SUMF1: variants seen among roughly 807,000 people sequenced by gnomAD.
The protein encoded by SUMF1 is sulfatase modifying factor 1.
SUMF1 carries 48 observed loss-of-function variants against 47.6 expected under a neutral mutation model. The observed-to-expected ratio is 1.01, with a 90% CI of 0.80 to 1.28. The LOEUF (loss-of-function observed/expected upper bound fraction) is 1.28, where lower values mean the gene tolerates loss of function less well. Ranked by LOEUF, SUMF1 falls within the 50% of genes most tolerant of loss-of-function variation. SUMF1 has a pLI of 0.00. For missense variants in SUMF1, 571 were observed against 485.4 expected, an observed-to-expected ratio of 1.18 and a Z score of -1.66; for synonymous variants, 230 against 192.1, an observed-to-expected ratio of 1.20 and a Z score of -1.63.
chr3:4,403,951 C>T (rs1401800974), intron 7 of SUMF1, among the ~76,000 whole-genome samples: 1 of 152,184 alleles, frequency 6.6e-6, no homozygotes, highest in African/African-American at 2.4e-5. Flanking sequence ...GTAGTTGTAA[C>T]ATGAGGCTCT....
intron 2 of SUMF1, among the ~76,000 whole-genome samples, chr3:4,449,856 G>C (rs7634154): frequency 0.1 from 15,961 of 152,208 alleles, 957 homozygotes; most frequent in East Asian, 0.2. Flanking sequence ...TTTAACATTA[G>C]TGTCTCAATT....
intron 8 of SUMF1, among the ~76,000 whole-genome samples, chr3:4,296,768 C>G (rs1405584920): frequency 2.0e-5 from 3 of 151,758 alleles, no homozygotes; most frequent in Admixed American, 1.3e-4. Context: ...CCAACCCACA[C>G]TGTCTAATGA....
chr3:4,041,317 C>T (rs1229925166), intron 9 of SUMF1, among the ~76,000 whole-genome samples: 2 of 152,182 alleles, frequency 1.3e-5, no homozygotes, highest in African/African-American at 4.8e-5. Flanking sequence ...AGTGATCTGC[C>T]CTCCTCGGCC....
chr3:4,176,751 A>T (rs1247454793), intron 8 of SUMF1, among the ~76,000 whole-genome samples: 1 of 152,210 alleles, frequency 6.6e-6, no homozygotes, highest in Non-Finnish European at 1.5e-5. Context: ...GGCAAATTGG[A>T]TAAAGAGTCA....
chr3:4,345,031 C>G (rs1276745813), intron 8 of SUMF1, among the ~76,000 whole-genome samples: 1 of 151,968 alleles, frequency 6.6e-6, no homozygotes, highest in Non-Finnish European at 1.5e-5. Flanking sequence ...AATATGGGAC[C>G]TCTTAAAAAG....
At chr3:4,247,208 A>G (rs1472699513) in intron 8 of SUMF1, among the ~76,000 whole-genome samples, 1 of 152,214 alleles carries the variant, frequency 6.6e-6, no homozygotes, top group Non-Finnish European at 1.5e-5. Flanking sequence ...AGGCCAAGTA[A>G]TTAATTCACT....
At chr3:4,201,997 G>C (rs1054554985) in intron 8 of SUMF1, among the ~76,000 whole-genome samples, 3 of 151,754 alleles carry the variant, frequency 2.0e-5, no homozygotes, top group Non-Finnish European at 4.4e-5. Flanking sequence ...TACATATTCT[G>C]GTTATTAATT....
intron 8 of SUMF1, among the ~76,000 whole-genome samples, chr3:4,210,475 A>AT (rs1442126906): frequency 6.6e-6 from 1 of 152,116 alleles, no homozygotes; most frequent in Non-Finnish European, 1.5e-5. Context: ...ACCCACACAT[A>AT]TTGTCACCAA....
chr3:4,376,278 T>C, intron 8 of SUMF1, 52 bp downstream of exon 8: 1 of 1,603,052 alleles, frequency 6.2e-7, no homozygotes, highest in Non-Finnish European at 8.5e-7. Flanking sequence ...AATGGATCCA[T>C]AAAACTGCTA....
intron 8 of SUMF1, among the ~76,000 whole-genome samples, chr3:4,254,547 G>C (rs1405125673): frequency 6.7e-6 from 1 of 148,858 alleles, no homozygotes; most frequent in Non-Finnish European, 1.5e-5. Flanking sequence ...AATGAAGTGA[G>C]AAGGGAAGTT....
intron 7 of SUMF1, among the ~76,000 whole-genome samples, chr3:4,408,827 TG>T (rs60456154): frequency 0.016 from 2,478 of 151,846 alleles, 67 homozygotes; most frequent in African/African-American, 0.056. Context: ...AAAAATTAGC[TG>T]GGGGGCACCT....
intron 8 of SUMF1, among the ~76,000 whole-genome samples, chr3:4,090,441 G>C (rs1036734205): frequency 6.6e-6 from 1 of 152,058 alleles, no homozygotes; most frequent in South Asian, 2.1e-4. Context: ...CCTCTCCAAG[G>C]TCAGTTCCCA....
chr3:4,236,000 C>T (rs570421803), intron 8 of SUMF1, among the ~76,000 whole-genome samples: 16 of 152,056 alleles, frequency 1.1e-4, no homozygotes, highest in South Asian at 2.1e-4. Flanking sequence ...TGGAGTTCAG[C>T]GATAGGATTT....
chr3:4,335,690 A>T (rs1033662537), intron 8 of SUMF1, among the ~76,000 whole-genome samples: 1 of 152,118 alleles, frequency 6.6e-6, no homozygotes, highest in Non-Finnish European at 1.5e-5. Context: ...CACACCTGTA[A>T]TCCCAGCACT....
At chr3:4,345,559 G>T (rs1467745994) in intron 8 of SUMF1, among the ~76,000 whole-genome samples, 1 of 152,146 alleles carries the variant, frequency 6.6e-6, no homozygotes, top group African/African-American at 2.4e-5. Context: ...AAGAAAAACT[G>T]GTAGCAGCCA....
chr3:4,239,981 G>A (rs1696501236), intron 8 of SUMF1, among the ~76,000 whole-genome samples: 1 of 152,168 alleles, frequency 6.6e-6, no homozygotes, highest in East Asian at 1.9e-4. Context: ...GCATGAAGAG[G>A]TGTTGAATTT....
At position 4,398,448 on chromosome 3, in the gene SUMF1, T is replaced by G. The variant is rs141313821; in HGVS notation, c.954+12417A>C. Among the ~76,000 whole-genome samples, 988 of 152,306 alleles carry G rather than the reference T, an allele frequency of 6.5e-3. 10 individuals carry two copies. Among genetic ancestry groups the G allele is most frequent in the African/African-American group, 0.022 (929 of 41,566 alleles). On this transcript the variant is annotated intron_variant, in intron 7 of 8. Coordinates refer to ENST00000272902, the MANE Select transcript of SUMF1 (RefSeq NM_182760.4). ...GTAACAAAAAAAGATAACTTAACTA[T>G]ATATTTTCTCTTCTTAATAACCTGG...
intron 8 of SUMF1, among the ~76,000 whole-genome samples, chr3:4,265,801 G>C (rs879667443): frequency 6.6e-6 from 1 of 152,142 alleles, no homozygotes; most frequent in East Asian, 1.9e-4. Flanking sequence ...TGAAGTCCTT[G>C]CCTGTGCCTA....
At chr3:4,063,110 A>G (rs1357984157) in intron 9 of SUMF1, among the ~76,000 whole-genome samples, 1 of 152,034 alleles carries the variant, frequency 6.6e-6, no homozygotes, top group Non-Finnish European at 1.5e-5. Context: ...GCGATCTGAG[A>G]GACTACACTT....
Sources: allele counts gnomAD v4.1 joint callset (sites outside exome capture counted in the v4.1 genomes callset), GRCh38; gene constraint gnomAD v4.1.1; transcripts MANE v1.5; gene names NCBI Gene and HGNC (gene_info 2026-07-23, HGNC 2026-07-21).